Variants in NEGR1 observed in about 807,000 individuals in gnomAD.
NEGR1 encodes IgLON family member 4.
In NEGR1, 10 loss-of-function variants were observed where a neutral mutation model predicts 40.9. That is an observed-to-expected ratio of 0.24 (90% CI 0.15 to 0.42). The LOEUF (loss-of-function observed/expected upper bound fraction) is 0.42. Among genes scored for constraint, NEGR1 ranks in the 10% least tolerant of loss-of-function variants. NEGR1 has a pLI of 1.00. For missense variants in NEGR1, 352 were observed against 438.9 expected, an observed-to-expected ratio of 0.80 and a Z score of 1.77; for synonymous variants, 185 against 166.8, an observed-to-expected ratio of 1.11 and a Z score of -0.84.
intron 1 of NEGR1, among the ~76,000 whole-genome samples, chr1:72,112,712 G>C (rs1202741433): frequency 1.3e-5 from 2 of 151,434 alleles, no homozygotes; most frequent in African/African-American, 2.4e-5. Flanking sequence ...AAGAAAGAGT[G>C]ATCTGAAGGT....
intron 1 of NEGR1, among the ~76,000 whole-genome samples, chr1:71,955,504 G>T (rs1037091451): frequency 1.3e-5 from 2 of 152,094 alleles, no homozygotes; most frequent in Admixed American, 1.3e-4. Context: ...AGGGCTCCCT[G>T]AAGAACAAAG....
intron 1 of NEGR1, among the ~76,000 whole-genome samples, chr1:72,276,915 C>A (rs1055549856): frequency 6.6e-6 from 1 of 151,984 alleles, no homozygotes; most frequent in Non-Finnish European, 1.5e-5. Flanking sequence ...GGTAAGATAA[C>A]CCAGTGGTTA....
chr1:71,645,981 C>T (rs953730347), intron 4 of NEGR1, among the ~76,000 whole-genome samples: 2 of 151,660 alleles, frequency 1.3e-5, no homozygotes, highest in Non-Finnish European at 3.0e-5. Flanking sequence ...TTATCCTATC[C>T]TTCTATTGCC....
chr1:72,149,719 C>T (rs538524906), intron 1 of NEGR1, among the ~76,000 whole-genome samples: 49 of 151,590 alleles, frequency 3.2e-4, no homozygotes, highest in African/African-American at 1.2e-3. Context: ...CCCACCACTA[C>T]TAAAAATACA....
chr1:72,190,249 C>A, intron 1 of NEGR1, among the ~76,000 whole-genome samples: 1 of 151,584 alleles, frequency 6.6e-6, no homozygotes, highest in South Asian at 2.1e-4. Flanking sequence ...TTAATTTAAC[C>A]CCTTCAATTA....
chr1:72,272,354 A>C (rs1289914044), intron 1 of NEGR1, among the ~76,000 whole-genome samples: 3 of 151,882 alleles, frequency 2.0e-5, no homozygotes, highest in Non-Finnish European at 2.9e-5. Flanking sequence ...GTCATTTTCT[A>C]TTCAACTGAT....
intron 1 of NEGR1, among the ~76,000 whole-genome samples, chr1:72,204,898 T>C (rs1031179506): frequency 6.6e-6 from 1 of 152,080 alleles, no homozygotes; most frequent in Non-Finnish European, 1.5e-5. Context: ...CCACAACTTG[T>C]CATGGCAAAT....
At chr1:71,474,372 G>A (rs1569917390) in intron 6 of NEGR1, among the ~76,000 whole-genome samples, 1 of 150,616 alleles carries the variant, frequency 6.6e-6, no homozygotes, top group South Asian at 2.1e-4. Context: ...GTGTGACAAT[G>A]AGAGAAGAAA....
intron 1 of NEGR1, among the ~76,000 whole-genome samples, chr1:71,977,749 G>T (rs1377655269): frequency 8.7e-6 from 1 of 114,670 alleles, no homozygotes; most frequent in African/African-American, 3.8e-5. Flanking sequence ...AACATTCTAA[G>T]GAAAATAGTA....
At chr1:72,184,165 T>C (rs571124296) in intron 1 of NEGR1, among the ~76,000 whole-genome samples, 2 of 152,096 alleles carry the variant, frequency 1.3e-5, no homozygotes, top group Admixed American at 6.6e-5. Context: ...AGAAGGAGCT[T>C]TGAGGGAAAG....
intron 4 of NEGR1, among the ~76,000 whole-genome samples, chr1:71,645,670 G>A (rs1651505443): frequency 6.6e-6 from 1 of 151,730 alleles, no homozygotes; most frequent in South Asian, 2.1e-4. Context: ...TCTTTTGGAG[G>A]AAATGACTAA....
chr1:72,032,561 T>C (rs1256459842), intron 1 of NEGR1, among the ~76,000 whole-genome samples: 1 of 152,190 alleles, frequency 6.6e-6, no homozygotes, highest in Non-Finnish European at 1.5e-5. Flanking sequence ...AAGTTAATAG[T>C]TGAGTTTCAT....
At chr1:71,412,031 C>T (rs898866726) in intron 6 of NEGR1, among the ~76,000 whole-genome samples, 2 of 152,070 alleles carry the variant, frequency 1.3e-5, no homozygotes, top group African/African-American at 2.4e-5. Context: ...TCCTAGCTCA[C>T]CTTCAAGTAT....
intron 1 of NEGR1, among the ~76,000 whole-genome samples, chr1:71,943,100 ATATG>A (rs1181387533): frequency 6.8e-6 from 1 of 147,160 alleles, no homozygotes; most frequent in Non-Finnish European, 1.5e-5. Flanking sequence ...ACATACATAT[ATATG>A]TATATTTATA....
chr1:71,902,731 ATTTTTGAAATT>A (rs1178041067), intron 2 of NEGR1, among the ~76,000 whole-genome samples: 1 of 152,178 alleles, frequency 6.6e-6, no homozygotes, highest in Non-Finnish European at 1.5e-5. Context: ...AAGTTGAATC[ATTTTTGAAATT>A]TTTATTTTTA....
intron 1 of NEGR1, among the ~76,000 whole-genome samples, chr1:71,983,495 T>C (rs1646370589): frequency 6.6e-6 from 1 of 152,174 alleles, no homozygotes; most frequent in Admixed American, 6.5e-5. Flanking sequence ...CTTCCTGCAT[T>C]TGTAGAGCAA....
Position 71,767,024 on chromosome 1 carries a change from T to C in NEGR1, c.535+9148A>G, listed in dbSNP as rs550388625. Among the ~76,000 whole-genome samples, 31 of 152,324 alleles carry C rather than the reference T, an allele frequency of 2.0e-4. No individual in the cohort carries two copies. The South Asian group carries it at 5.4e-3, about 26-fold the overall frequency. On this transcript the variant is annotated intron_variant, in intron 3 of 6. Coordinates refer to ENST00000357731, the MANE Select transcript of NEGR1 (RefSeq NM_173808.3). ...TGCAGAACAAGGAACCAATTAAACT[T>C]CTTTCTTTGTAAATTATGCAGTCTC...
At chr1:71,428,110 C>G (rs1486747295) in intron 6 of NEGR1, among the ~76,000 whole-genome samples, 1 of 152,130 alleles carries the variant, frequency 6.6e-6, no homozygotes, top group East Asian at 1.9e-4. Flanking sequence ...ACTGAGAATT[C>G]TAATTATGGC....
chr1:71,803,619 AT>A (rs1159024733), intron 2 of NEGR1, among the ~76,000 whole-genome samples: 2 of 152,142 alleles, frequency 1.3e-5, no homozygotes, highest in African/African-American at 4.8e-5. Context: ...AGATATATGC[AT>A]AGCTTTTTCC....
Sources: gnomAD v4.1 joint callset for allele counts (sites outside exome capture counted in the v4.1 genomes callset) on GRCh38, gnomAD v4.1.1 for gene constraint, MANE v1.5 for transcripts, NCBI Gene and HGNC (gene_info 2026-07-23, HGNC 2026-07-21) for gene names.